Variants in SLFN14 observed in about 807,000 individuals in gnomAD.
The protein encoded by SLFN14 is schlafen family member 14.
In SLFN14, 47 loss-of-function variants were observed where a neutral mutation model predicts 58.6. That is an observed-to-expected ratio of 0.80 (90% CI 0.64 to 1.02). The LOEUF (loss-of-function observed/expected upper bound fraction) is 1.02, where lower values mean the gene tolerates loss of function less well. SLFN14 is among the 50% of genes least tolerant of loss of function. The pLI is 0.00. For synonymous variants in SLFN14, 390 were observed against 387.3 expected (o/e 1.01, Z -0.08); for missense variants, 967 against 1,078.4 (o/e 0.90, Z 1.45).
chr17:35,548,114 G>T lies in SLFN14; in HGVS notation c.*125C>A. 1.1e-6 allele frequency: 1 copy of T among 920,906 alleles called. No homozygotes were observed. 57.0% of individuals were successfully genotyped at this position (920,906 alleles called of 1,614,324 possible). ...AGGCTCAGCTCCAAGAGACATTTCT[G>T]TGGCTCCAGGCCATACTGATGTGCC... On this transcript the variant is annotated 3_prime_UTR_variant, in exon 6 of 6. Transcript: ENST00000674182.
rs1452622903 is a variant in SLFN14, at chr17:35,547,729, A to G, written c.*510T>C. Among the ~76,000 whole-genome samples, 1 of 152,194 alleles carries G rather than the reference A, an allele frequency of 6.6e-6. No homozygotes were observed. The highest frequency in any genetic ancestry group is 2.4e-5 in the African/African-American group (1 of 41,446). On this transcript the variant is annotated 3_prime_UTR_variant, in exon 6 of 6. Coordinates refer to ENST00000674182, the MANE Select transcript of SLFN14 (RefSeq NM_001129820.2). ...GCTACTTTTGAGACCTATGCAGTCA[A>G]AGTAACCAGCCTGGAGGGCACCATA...
At chr17:35,553,527 A>C in intron 4 of SLFN14, 83 bp from the exon 5 acceptor site, 1 of 1,069,358 alleles carries the variant, frequency 9.4e-7, no homozygotes, top group Non-Finnish European at 1.3e-6. Context: ...AAAAAATGAT[A>C]CCTGGTGCAT....
Position 35,548,366 on chromosome 17 carries a change from A to C in SLFN14, c.2612T>G (p.Leu871Arg). The C allele has an allele frequency of 1.9e-6, 3 of 1,551,722 alleles. No homozygotes were observed. Among genetic ancestry groups the C allele is most frequent in the Non-Finnish European group, 2.6e-6 (3 of 1,146,988 alleles). Residue 871 changes from leucine (L) to arginine (R), a missense_variant, in exon 6 of 6, where the codon CTG becomes CGG. Leu to Arg is a moderately radical substitution (Grantham distance 102). Transcript: ENST00000674182. The stretch of plus-strand genomic sequence containing the variant: ...AAGCCCAAACACGACAGTCCTCTCC[A>C]GGCCTGAAAATTGCTGAATACTGTC... ...VLDSIQQFSG[L>R]ERTVVFGLSP...
rs28498569 is a variant in SLFN14 at position 35,552,984 on chromosome 17, C to A, written c.1650G>T (p.Val550=). Residue 550 remains valine, a synonymous_variant, in exon 5 of 6, where the codon GTG becomes GTT. Transcript: ENST00000674182. The stretch of plus-strand genomic sequence containing the variant: ...GAAGAGATCTGGAGGACAGGGAGAC[C>A]ACCACCAGAGCCTGCAGCAAGTCTT... The part of the protein sequence containing the change: ...EMEDLLQALV[V]VSLSSRSLLS... 3 of 1,551,254 alleles carry A rather than the reference C, an allele frequency of 1.9e-6. No homozygotes were observed. Among genetic ancestry groups the A allele is most frequent in the African/African-American group, 2.7e-5 (2 of 72,894 alleles).
chr17:35,560,591 G>A (rs2072690136), intron 1 of SLFN14, among the ~76,000 whole-genome samples, 176 bp downstream of exon 1: 1 of 152,142 alleles, frequency 6.6e-6, no homozygotes, highest in African/African-American at 2.4e-5. Flanking sequence ...GCCTCCCAAA[G>A]TGCTGGGATT....
rs2072523938 is a variant in SLFN14 at position 35,544,987 on chromosome 17, C to G, written c.*3252G>C. 6.6e-6 allele frequency among the ~76,000 whole-genome samples: 1 copy of G among 152,184 alleles called. No individual in the cohort carries two copies. Among genetic ancestry groups the G allele is most frequent in the Non-Finnish European group, 1.5e-5 (1 of 68,046 alleles). On this transcript the variant is annotated 3_prime_UTR_variant, in exon 6 of 6. Transcript: ENST00000674182. ...TCATTTAGTTAATTGCTTTATCCAT[C>G]ATATTAAGACTTTGTAGAAAACATT... is the stretch of plus-strand genomic sequence containing the variant.
chr17:35,557,171 T>A lies in SLFN14; in HGVS notation c.892A>T (p.Asn298Tyr). Residue 298 changes from asparagine (N) to tyrosine (Y), a missense_variant, in exon 3 of 6, where the codon AAT (asparagine) becomes TAT (tyrosine). Physicochemically the swap from Asn to Tyr is moderately radical, Grantham distance 143. Coordinates refer to ENST00000674182, the MANE Select transcript of SLFN14 (RefSeq NM_001129820.2). ...PKVNFTTKIL[N>Y]VYQKDVLDGY... is the part of the protein sequence containing the mutation. ...TCCAGGACATCTTTTTGGTACACAT[T>A]CAGGATTTTTGTAGTGAAATTTACC... The A allele has an allele frequency of 6.4e-7, 1 of 1,551,712 alleles. No homozygotes were observed. The highest frequency in any genetic ancestry group is 1.2e-5 in the South Asian group (1 of 84,070).
intron 5 of SLFN14, among the ~76,000 whole-genome samples, chr17:35,552,031 A>C (rs1424005773): frequency 6.6e-6 from 1 of 152,148 alleles, no homozygotes; most frequent in Non-Finnish European, 1.5e-5. Context: ...CGAAGCTGCA[A>C]AGCTACAAAT....
intron 1 of SLFN14, among the ~76,000 whole-genome samples, chr17:35,560,167 G>C (rs2072686973): frequency 6.6e-6 from 1 of 152,106 alleles, no homozygotes; most frequent in Non-Finnish European, 1.5e-5. Flanking sequence ...CCACTGATGG[G>C]ACCCACAAAA....
At position 35,545,935 on chromosome 17, in the gene SLFN14, A is replaced by G. The variant is rs1250867637; in HGVS notation, c.*2304T>C. 6.6e-6 allele frequency among the ~76,000 whole-genome samples: 1 copy of G among 152,190 alleles called. No individual in the cohort carries two copies. The highest frequency in any genetic ancestry group is 1.9e-4 in the East Asian group (1 of 5,202). ...AAATTATAATGAGCATCCAGGGTTG[A>G]GAATCACTGAGTTAGTTATTCTACT... On this transcript the variant is annotated 3_prime_UTR_variant, in exon 6 of 6. Coordinates refer to ENST00000674182, the MANE Select transcript of SLFN14 (RefSeq NM_001129820.2).
chr17:35,546,918 C>T lies in SLFN14; in HGVS notation c.*1321G>A, dbSNP rs1470438673. 6.6e-6 allele frequency among the ~76,000 whole-genome samples: 1 copy of T among 152,056 alleles called. No individual in the cohort carries two copies. The highest frequency in any genetic ancestry group is 1.5e-5 in the Non-Finnish European group (1 of 68,020). ...GGTGGTGTTGGTGGTAAAGTTGCCA[C>T]CAAGGATCCCCATAAACTCTGAGAG... On this transcript the variant is annotated 3_prime_UTR_variant, in exon 6 of 6. Coordinates refer to ENST00000674182, the MANE Select transcript of SLFN14 (RefSeq NM_001129820.2).
rs1327922705 is a variant in SLFN14 at position 35,553,254 on chromosome 17, C to G, written c.1380G>C (p.Leu460=). The G allele has an allele frequency of 1.3e-6, 2 of 1,551,666 alleles. No homozygotes were observed. The highest frequency in any genetic ancestry group is 2.0e-5 in the Admixed American group (1 of 51,004). Reference sequence around the variant, plus strand: ...GTACCACGGGGCTGTTAACTGCTATCAGGAGAGCATCACACAGGACATTCT... The same window carrying G: ...GTACCACGGGGCTGTTAACTGCTATGAGGAGAGCATCACACAGGACATTCT... ...KEQNVLCDAL[L]IAVNSPVVLY... Residue 460 remains leucine, a synonymous_variant, in exon 5 of 6, where the codon CTG becomes CTC. Coordinates refer to ENST00000674182, the MANE Select transcript of SLFN14 (RefSeq NM_001129820.2).
At chr17:35,554,503 C>T in intron 4 of SLFN14, 73 bp downstream of exon 4, 1 of 1,349,346 alleles carries the variant, frequency 7.4e-7, no homozygotes, top group Admixed American at 3.2e-5. Flanking sequence ...CACCTGAACT[C>T]ATTACTACTA....
Position 35,548,681 on chromosome 17 carries a change from C to T in SLFN14, c.2297G>A (p.Ser766Asn), listed in dbSNP as rs775856700. ...CGTTGCTTCCTCATAGGCAGTCTCG[C>T]TGAACAATGCTAATGTGTCTGGAGA... ...NMSPDTLALF[S>N]ETAYEEATCA... Residue 766 changes from serine to asparagine, a missense_variant, in exon 6 of 6, where the codon AGC becomes AAC. Ser to Asn is a conservative substitution (Grantham distance 46). Coordinates refer to ENST00000674182, the MANE Select transcript of SLFN14 (RefSeq NM_001129820.2). The T allele has an allele frequency of 6.4e-7, 1 of 1,551,760 alleles. No homozygotes were observed. The highest frequency in any genetic ancestry group is 1.2e-5 in the South Asian group (1 of 84,070).
rs1374610883 is a variant in SLFN14 at position 35,549,061 on chromosome 17, G to C, written c.1917C>G (p.Thr639=). The C allele has an allele frequency of 6.4e-7, 1 of 1,551,404 alleles. No homozygotes were observed. The highest frequency in any genetic ancestry group is 8.7e-7 in the Non-Finnish European group (1 of 1,146,870). The change falls in exon 6 of 6, where the codon ACC becomes ACG. Residue 639 remains threonine (T), a synonymous_variant. Coordinates refer to ENST00000674182, the MANE Select transcript of SLFN14 (RefSeq NM_001129820.2). The part of the protein sequence containing the change: ...SLKDFVTQQT[T]CQAVTRKTFM... ...AAGTTTTCCTGGTCACAGCTTGGCA[G>C]GTGGTTTGTTGGCTGTAAGGACGGA...
chr17:35,556,144 C>T (rs1410319499), intron 3 of SLFN14, among the ~76,000 whole-genome samples: 1 of 151,762 alleles, frequency 6.6e-6, no homozygotes, highest in Admixed American at 6.6e-5. Flanking sequence ...CTCAAGCAAT[C>T]CTCCCACCTC....
chr17:35,552,651 CAT>C lies in SLFN14; in HGVS notation c.1904+77_1904+78del, dbSNP rs71366453. 2.4e-4 allele frequency: 119 copies of C among 487,548 alleles called. 15 individuals carry two copies. The South Asian group carries it at 4.3e-3, about 17-fold the overall frequency. The allele number at this position is 487,548 out of a possible 1,614,324, so 30.2% of individuals were successfully genotyped here. ...ACATATATATACATATATATATACA[CAT>C]ATATATACACATATATATACACATA... On this transcript the variant is annotated intron_variant, in intron 5 of 5. Transcript: ENST00000674182.
At position 35,545,854 on chromosome 17, in the gene SLFN14, G is replaced by A. The variant is rs1244584201; in HGVS notation, c.*2385C>T. Among the ~76,000 whole-genome samples, 1 of 152,074 alleles carries A rather than the reference G, an allele frequency of 6.6e-6. No individual in the cohort carries two copies. The highest frequency in any genetic ancestry group is 1.5e-5 in the Non-Finnish European group (1 of 68,014). Reference sequence around the variant, plus strand: ...GCCCGAGCCTGTGTTCAGACACACTGAGGTTAATTAGTCTGGTGTCTGGCC... The same window carrying A: ...GCCCGAGCCTGTGTTCAGACACACTAAGGTTAATTAGTCTGGTGTCTGGCC... On this transcript the variant is annotated 3_prime_UTR_variant, in exon 6 of 6. Coordinates refer to ENST00000674182, the MANE Select transcript of SLFN14 (RefSeq NM_001129820.2).
chr17:35,550,319 G>A (rs564885340), intron 5 of SLFN14, among the ~76,000 whole-genome samples: 6 of 152,348 alleles, frequency 3.9e-5, no homozygotes, highest in African/African-American at 1.2e-4. Flanking sequence ...AAGGAGGTGG[G>A]CGGATCACCT....
Sources: gnomAD v4.1 joint callset for allele counts (sites outside exome capture counted in the v4.1 genomes callset) on GRCh38, gnomAD v4.1.1 for gene constraint, MANE v1.5 for transcripts, NCBI Gene and HGNC (gene_info 2026-07-23, HGNC 2026-07-21) for gene names.